Variants in KCNQ1 observed in about 807,000 individuals in gnomAD.
KCNQ1 encodes potassium voltage-gated channel subfamily Q member 1.
A neutral mutation model predicts 72.4 loss-of-function variants in KCNQ1; 49 were observed. The ratio of observed to expected loss-of-function variants is 0.68; its 90% CI spans 0.54 to 0.86. KCNQ1 has a LOEUF of 0.86. KCNQ1 is among the 40% of genes least tolerant of loss of function. The pLI is 0.00. For synonymous variants in KCNQ1, 450 were observed against 412.6 expected, an observed-to-expected ratio of 1.09 and a Z score of -1.10; for missense variants, 790 against 945.1, an observed-to-expected ratio of 0.84 and a Z score of 2.15.
chr11:2,607,526 C>T (rs989506169), intron 10 of KCNQ1, among the ~76,000 whole-genome samples: 1 of 152,054 alleles, frequency 6.6e-6, no homozygotes, highest in African/African-American at 2.4e-5. Flanking sequence ...TTTTTTTCTT[C>T]CGTCATATGA....
intron 10 of KCNQ1, chr11:2,616,366 T>C: frequency 2.5e-6 from 1 of 397,980 alleles, no homozygotes; most frequent in Non-Finnish European, 4.4e-6. Context: ...AAATTATCTC[T>C]GTTGTTTATT....
intron 11 of KCNQ1, among the ~76,000 whole-genome samples, chr11:2,700,326 G>C (rs1256095778): frequency 6.6e-6 from 1 of 152,112 alleles, no homozygotes; most frequent in Non-Finnish European, 1.5e-5. Flanking sequence ...CGTTGGCATC[G>C]CCGGGGTGAG....
At position 2,707,119 on chromosome 11, in the gene KCNQ1, G is replaced by A. The variant is rs377456674; in HGVS notation, c.1514+45038G>A. Among the ~76,000 whole-genome samples, 14 of 152,306 alleles carry A rather than the reference G, an allele frequency of 9.2e-5. No individual in the cohort carries two copies. In the East Asian group the frequency reaches 2.7e-3, roughly 29 times the overall value. On this transcript the variant is annotated intron_variant, in intron 11 of 15. Transcript: ENST00000155840. ...TCCCAAATTTGTTTTCTATGCCCAG[G>A]AATGTCAAAGGGCCCTCTTGGGGTC...
Position 2,536,545 on chromosome 11 carries a change from CAT to C in KCNQ1, c.477+8528_477+8529del, listed in dbSNP as rs576728986. ...GAGACACTGAGGGTCGGGAGGGTAACATGTGATTTTGAGGCCACCCGCTACAG... is the reference window on the plus strand; with the variant it reads ...GAGACACTGAGGGTCGGGAGGGTAACGTGATTTTGAGGCCACCCGCTACAG... On this transcript the variant is annotated intron_variant, in intron 2 of 15. Transcript: ENST00000155840. The surrounding 1 kb of genome is among the most constrained non-coding windows in gnomAD (Gnocchi z 7.4). Among the ~76,000 whole-genome samples, 127 of 152,258 alleles carry C rather than the reference CAT, an allele frequency of 8.3e-4. No homozygotes were observed. The highest frequency in any genetic ancestry group is 3.1e-3 in the East Asian group (16 of 5,158).
At chr11:2,789,683 C>T (rs1456333627) in intron 15 of KCNQ1, among the ~76,000 whole-genome samples, 2 of 152,208 alleles carry the variant, frequency 1.3e-5, no homozygotes, top group Non-Finnish European at 2.9e-5. Flanking sequence ...CCAGGCCCAG[C>T]TCCTGGGCAC....
At chr11:2,580,312 C>T (rs543272720) in intron 6 of KCNQ1, among the ~76,000 whole-genome samples, 23 of 152,156 alleles carry the variant, frequency 1.5e-4, no homozygotes, top group Admixed American at 4.6e-4. Context: ...GTGCCCCTGA[C>T]GGAGAAGCCT....
Position 2,713,949 on chromosome 11 carries a change from G to A in KCNQ1, c.1514+51868G>A, listed in dbSNP as rs1197346421. Among the ~76,000 whole-genome samples the A allele has an allele frequency of 2.0e-5, 3 of 152,250 alleles. No homozygotes were observed. Among genetic ancestry groups the A allele is most frequent in the Non-Finnish European group, 4.4e-5 (3 of 68,042 alleles). On this transcript the variant is annotated intron_variant, in intron 11 of 15. Coordinates refer to ENST00000155840, the MANE Select transcript of KCNQ1 (RefSeq NM_000218.3). This position sits in a 1 kb window ranked among gnomAD's most constrained non-coding sequence, Gnocchi z 5.6. The stretch of plus-strand genomic sequence containing the variant: ...CGCCTTTGTTCTCTGCTTCCTGCTC[G>A]GTTCCTGCTAACTCAGGGAGCTCCA...
intron 11 of KCNQ1, among the ~76,000 whole-genome samples, chr11:2,739,471 T>G (rs1006005559): frequency 6.6e-6 from 1 of 152,200 alleles, no homozygotes; most frequent in African/African-American, 2.4e-5. Flanking sequence ...TGGATGGACA[T>G]AGGTGGGCAA....
Position 2,647,426 on chromosome 11 carries a change from TGTTCATCAG to T in KCNQ1, c.1394-14533_1394-14525del, listed in dbSNP as rs1331772558. Reference sequence around the variant, plus strand: ...TTTGTTTCTGAGGATTCTGCATCTATGTTCATCAGGGAGATTGGCCTGTAGTTTTCTTTT... The same window carrying T: ...TTTGTTTCTGAGGATTCTGCATCTATGGAGATTGGCCTGTAGTTTTCTTTT... On this transcript the variant is annotated intron_variant, in intron 10 of 15. Transcript: ENST00000155840. The surrounding 1 kb of genome is among the most constrained non-coding windows in gnomAD (Gnocchi z 4.0). 1 of 398,498 alleles carries T rather than the reference TGTTCATCAG, an allele frequency of 2.5e-6. No homozygotes were observed. Among genetic ancestry groups the T allele is most frequent in the Non-Finnish European group, 4.4e-6 (1 of 226,060 alleles). 24.7% of individuals were successfully genotyped at this position (398,498 alleles called of 1,614,324 possible).
chr11:2,791,802 G>A (rs1347783178), intron 15 of KCNQ1, among the ~76,000 whole-genome samples: 1 of 147,850 alleles, frequency 6.8e-6, no homozygotes, highest in African/African-American at 2.5e-5. Context: ...GCCGCTCCGG[G>A]CGGTGGGACC....
At chr11:2,605,491 G>A (rs900980684) in intron 10 of KCNQ1, among the ~76,000 whole-genome samples, 1 of 152,078 alleles carries the variant, frequency 6.6e-6, no homozygotes, top group Non-Finnish European at 1.5e-5. Flanking sequence ...TGGACCAATT[G>A]ATTTTTCTCA....
rs1554888309 is a variant in KCNQ1, at chr11:2,526,287, T to TGGGCAGGGTGCAGACAGGGGC, written c.387-1640_387-1620dup. Reference sequence around the variant, plus strand: ...GTGGTCAGGGGGAGATGAGGATGGATGGGCAGGGTGCAGACAGGGGCTGGC... The same window carrying TGGGCAGGGTGCAGACAGGGGC: ...GTGGTCAGGGGGAGATGAGGATGGATGGGCAGGGTGCAGACAGGGGCGGGCAGGGTGCAGACAGGGGCTGGC... On this transcript the variant is annotated intron_variant, in intron 1 of 15. Transcript: ENST00000155840. The surrounding 1 kb of genome is among the most constrained non-coding windows in gnomAD (Gnocchi z 6.1). Among the ~76,000 whole-genome samples the TGGGCAGGGTGCAGACAGGGGC allele has an allele frequency of 6.6e-6, 1 of 151,164 alleles. No homozygotes were observed. The highest frequency in any genetic ancestry group is 2.4e-5 in the African/African-American group (1 of 41,118).
At chr11:2,731,862 G>C (rs1396351623) in intron 11 of KCNQ1, among the ~76,000 whole-genome samples, 1 of 152,240 alleles carries the variant, frequency 6.6e-6, no homozygotes, top group Non-Finnish European at 1.5e-5. Context: ...TGCAGCGGCT[G>C]CTCACAGCCT....
At position 2,563,196 on chromosome 11, in the gene KCNQ1, T is replaced by A. The variant is rs994564604; in HGVS notation, c.478-7432T>A. ...AAACACATTGAACCCCAGAAAATCTTCGCTATGTTGGAGATTCGCCGGCTG... is the reference window on the plus strand; with the variant it reads ...AAACACATTGAACCCCAGAAAATCTACGCTATGTTGGAGATTCGCCGGCTG... On this transcript the variant is annotated intron_variant, in intron 2 of 15. Transcript: ENST00000155840. This position sits in a 1 kb window ranked among gnomAD's most constrained non-coding sequence, Gnocchi z 7.4. Among the ~76,000 whole-genome samples, 11 of 152,080 alleles carry A rather than the reference T, an allele frequency of 7.2e-5. No homozygotes were observed. The highest frequency in any genetic ancestry group is 1.6e-4 in the Non-Finnish European group (11 of 68,010).
intron 10 of KCNQ1, chr11:2,656,069 A>T (rs1849841648): frequency 7.5e-6 from 3 of 398,522 alleles, no homozygotes; most frequent in Non-Finnish European, 1.3e-5. Flanking sequence ...CAGGCTTTGG[A>T]GATGGGCACT....
chr11:2,831,427 C>T (rs931844692), intron 15 of KCNQ1, among the ~76,000 whole-genome samples: 2 of 152,084 alleles, frequency 1.3e-5, no homozygotes, highest in Non-Finnish European at 2.9e-5. Context: ...GTCGAAGGTG[C>T]TTCTGCCTCC....
At chr11:2,688,120 G>T in intron 11 of KCNQ1, 1 of 398,894 alleles carries the variant, frequency 2.5e-6, no homozygotes, top group Non-Finnish European at 4.4e-6. Context: ...GTGGGGGTGG[G>T]GATACAGGCT....
rs1265932370 is a variant in KCNQ1, at chr11:2,768,406, T to A, written c.1515-438T>A. On this transcript the variant is annotated intron_variant, in intron 11 of 15. Coordinates refer to ENST00000155840, the MANE Select transcript of KCNQ1 (RefSeq NM_000218.3). This position sits in a 1 kb window ranked among gnomAD's most constrained non-coding sequence, Gnocchi z 6.7. Reference sequence around the variant, plus strand: ...TACTTTCCCAAGCGCTTGCTGTTTGTGGGGCTACAGGACACAGCAGCTGAA... The same window carrying A: ...TACTTTCCCAAGCGCTTGCTGTTTGAGGGGCTACAGGACACAGCAGCTGAA... Among the ~76,000 whole-genome samples the A allele has an allele frequency of 1.3e-5, 2 of 152,170 alleles. No homozygotes were observed. Among genetic ancestry groups the A allele is most frequent in the African/African-American group, 4.8e-5 (2 of 41,438 alleles).
Position 2,817,903 on chromosome 11 carries a change from G to T in KCNQ1, c.1795-29864G>T, listed in dbSNP as rs1429038608. ...CAGCACCTACCAGCTTTGCGCAAAT[G>T]CTCCACATTTGCATTTTAAAAGCCC... On this transcript the variant is annotated intron_variant, in intron 15 of 15. Coordinates refer to ENST00000155840, the MANE Select transcript of KCNQ1 (RefSeq NM_000218.3). The surrounding 1 kb of genome is among the most constrained non-coding windows in gnomAD (Gnocchi z 6.1). Among the ~76,000 whole-genome samples the T allele has an allele frequency of 6.6e-6, 1 of 152,050 alleles. No individual in the cohort carries two copies. Among genetic ancestry groups the T allele is most frequent in the Non-Finnish European group, 1.5e-5 (1 of 68,008 alleles).
Sources: allele counts gnomAD v4.1 joint callset (sites outside exome capture counted in the v4.1 genomes callset), GRCh38; gene constraint gnomAD v4.1.1; non-coding constraint Gnocchi (gnomAD v3.1); transcripts MANE v1.5; gene names NCBI Gene and HGNC (gene_info 2026-07-23, HGNC 2026-07-21).